PTPRS: variants seen among roughly 807,000 people sequenced by gnomAD.
The protein encoded by PTPRS is receptor-type tyrosine-protein phosphatase S.
PTPRS carries 63 observed loss-of-function variants against 215.3 expected under a neutral mutation model. The ratio of observed to expected loss-of-function variants is 0.29; its 90% CI spans 0.24 to 0.36. The LOEUF (loss-of-function observed/expected upper bound fraction) is 0.36, where lower values mean the gene tolerates loss of function less well. Among genes scored for constraint, PTPRS ranks in the 10% least tolerant of loss-of-function variants. The pLI, the probability that PTPRS is intolerant of heterozygous loss-of-function variation, is 1.00. For synonymous variants in PTPRS, 1,404 were observed against 1,191.4 expected (o/e 1.18, Z -3.68); for missense variants, 2,258 against 2,825.8 (o/e 0.80, Z 4.56).
intron 1 of PTPRS, among the ~76,000 whole-genome samples, chr19:5,340,347 C>T (rs1424335032): frequency 1.3e-5 from 2 of 151,282 alleles, no homozygotes; most frequent in Non-Finnish European, 3.0e-5. Context: ...TGGGCAGCTT[C>T]CAATGCCGCG....
chr19:5,310,307 T>C (rs1291492792), intron 1 of PTPRS, among the ~76,000 whole-genome samples: 1 of 149,396 alleles, frequency 6.7e-6, no homozygotes, highest in African/African-American at 2.5e-5. Context: ...TTCCTCTAGC[T>C]TTTTTCTTTT....
chr19:5,257,701 G>T lies in PTPRS; in HGVS notation c.706+316C>A, dbSNP rs1024598115. ...GAGGCCTGCAGGCTCCCCTGGCCCTGTAGGCCCAAGACTGACCCCCTCACC... is the reference window on the plus strand; with the variant it reads ...GAGGCCTGCAGGCTCCCCTGGCCCTTTAGGCCCAAGACTGACCCCCTCACC... On this transcript the variant is annotated intron_variant, in intron 8 of 37. Transcript: ENST00000262963. This position sits in a 1 kb window ranked among gnomAD's most constrained non-coding sequence, Gnocchi z 4.4. Among the ~76,000 whole-genome samples the T allele has an allele frequency of 1.3e-5, 2 of 152,176 alleles. No individual in the cohort carries two copies. The highest frequency in any genetic ancestry group is 4.8e-5 in the African/African-American group (2 of 41,454).
At chr19:5,276,817 C>T (rs187040475) in intron 2 of PTPRS, among the ~76,000 whole-genome samples, 144 of 152,312 alleles carry the variant, frequency 9.5e-4, no homozygotes, top group Non-Finnish European at 1.6e-3. Context: ...GCTGGGATTA[C>T]AGGCGTGAGC....
At chr19:5,320,784 C>A (rs2050005443) in intron 1 of PTPRS, among the ~76,000 whole-genome samples, 1 of 152,078 alleles carries the variant, frequency 6.6e-6, no homozygotes, top group South Asian at 2.1e-4. Context: ...GATTTGAGGG[C>A]TTCACCCTAT....
chr19:5,265,590 C>T (rs2046343083), intron 4 of PTPRS, among the ~76,000 whole-genome samples: 2 of 151,826 alleles, frequency 1.3e-5, no homozygotes, highest in Admixed American at 1.3e-4. Flanking sequence ...AATCCTCCCA[C>T]TTCTGCCTCC....
chr19:5,325,647 C>T (rs1319206005), intron 1 of PTPRS, among the ~76,000 whole-genome samples: 2 of 152,252 alleles, frequency 1.3e-5, no homozygotes, highest in Non-Finnish European at 1.5e-5. Flanking sequence ...GACAGGCCCC[C>T]ACCGGCAATC....
At chr19:5,254,502 G>C (rs544996943) in intron 9 of PTPRS, among the ~76,000 whole-genome samples, 1 of 152,240 alleles carries the variant, frequency 6.6e-6, no homozygotes, top group African/African-American at 2.4e-5. Flanking sequence ...ATGGGGGTGT[G>C]CATCTCTGAA....
chr19:5,226,459 A>G (rs1599502763), intron 16 of PTPRS, among the ~76,000 whole-genome samples: 1 of 152,072 alleles, frequency 6.6e-6, no homozygotes, highest in African/African-American at 2.4e-5. Flanking sequence ...GGCTGGGCGC[A>G]GTGGCTGACG....
Position 5,241,971 on chromosome 19 carries a change from G to T in PTPRS, c.1571-1639C>A, listed in dbSNP as rs929932362. ...CTGCCTCAGCCTCTTGAGTAGCTGG[G>T]ATTACAGACACACGCTATCATGCCC... On this transcript the variant is annotated intron_variant, in intron 11 of 37. Coordinates refer to ENST00000262963, the MANE Select transcript of PTPRS (RefSeq NM_002850.4). Among the ~76,000 whole-genome samples the T allele has an allele frequency of 2.0e-4, 30 of 152,212 alleles. 1 individual carries two copies. Among genetic ancestry groups the T allele is most frequent in the Admixed American group, 1.4e-3 (22 of 15,282 alleles).
At chr19:5,223,826 T>C (rs1262714548) in intron 17 of PTPRS, among the ~76,000 whole-genome samples, 2 of 151,576 alleles carry the variant, frequency 1.3e-5, no homozygotes, top group East Asian at 4.0e-4. Flanking sequence ...CCTCCCAAAG[T>C]GCTGGGATTA....
intron 1 of PTPRS, among the ~76,000 whole-genome samples, chr19:5,309,033 A>C (rs2049600701): frequency 6.6e-6 from 1 of 152,152 alleles, no homozygotes; most frequent in South Asian, 2.1e-4. Flanking sequence ...CCTGCCTGGC[A>C]CTAGGCCCTG....
rs1390057330 is a variant in PTPRS at position 5,245,970 on chromosome 19, G to A, written c.794C>T (p.Thr265Ile). Residue 265 changes from threonine (T) to isoleucine (I), a missense_variant, in exon 10 of 38, where the codon ACC (threonine) becomes ATC (isoleucine). Transcript: ENST00000262963. The part of the protein sequence containing the change: ...EIMPGGNVNI[T>I]CVAVGSPMPY... Reference sequence around the variant, plus strand: ...CATGGGCGAGCCCACGGCCACGCAGGTGATGTTCACGTTGCCCCCTGGCAT... The same window carrying A: ...CATGGGCGAGCCCACGGCCACGCAGATGATGTTCACGTTGCCCCCTGGCAT... 3 of 1,606,824 alleles carry A rather than the reference G, an allele frequency of 1.9e-6. No individual in the cohort carries two copies. Among genetic ancestry groups the A allele is most frequent in the Non-Finnish European group, 8.5e-7 (1 of 1,176,320 alleles).
chr19:5,218,404 AG>A lies in PTPRS; in HGVS notation c.4048+15del. 6.2e-7 allele frequency: 1 copy of A among 1,605,100 alleles called. No homozygotes were observed. Among genetic ancestry groups the A allele is most frequent in the South Asian group, 1.1e-5 (1 of 90,470 alleles). ...CCCTGTTGGTGGCATCCCTGGTACC[AG>A]GGATAAGTACATACCTGGAGTCTGG... On this transcript the variant is annotated intron_variant, in intron 25 of 37. Transcript: ENST00000262963.
Position 5,246,044 on chromosome 19 carries a change from G to C in PTPRS, c.720C>G (p.Val240=). 1 of 1,480,292 alleles carries C rather than the reference G, an allele frequency of 6.8e-7. No individual in the cohort carries two copies. Among genetic ancestry groups the C allele is most frequent in the Non-Finnish European group, 9.0e-7 (1 of 1,109,334 alleles). 91.7% of individuals were successfully genotyped at this position (1,480,292 alleles called of 1,614,324 possible). A position where few individuals can be genotyped will look rare whatever the true frequency, so the allele number is the denominator to read the frequency against. The change falls in exon 10 of 38, where the codon GTC becomes GTG. Residue 240 remains valine, a splice_region_variant and synonymous_variant. Coordinates refer to ENST00000262963, the MANE Select transcript of PTPRS (RefSeq NM_002850.4). ...TGGAGAAGCGCGGGGCCACGCGGCGGACTGGGGAGGGGGCGGCAGTGGCGG... is the reference window on the plus strand; with the variant it reads ...TGGAGAAGCGCGGGGCCACGCGGCGCACTGGGGAGGGGGCGGCAGTGGCGG... ...ANLYVRELRE[V]RRVAPRFSIL... is the part of the protein sequence containing the mutation.
intron 2 of PTPRS, among the ~76,000 whole-genome samples, chr19:5,275,303 C>T (rs181504790): frequency 6.0e-4 from 92 of 152,118 alleles, no homozygotes; most frequent in Admixed American, 4.4e-3. Flanking sequence ...GTCTCCTGAC[C>T]TCATGATCTG....
intron 2 of PTPRS, among the ~76,000 whole-genome samples, chr19:5,283,981 G>A (rs1172350683): frequency 6.6e-6 from 1 of 152,052 alleles, no homozygotes; most frequent in Non-Finnish European, 1.5e-5. Flanking sequence ...TTGGGAGGCT[G>A]AGGTGGGAGG....
intron 13 of PTPRS, among the ~76,000 whole-genome samples, chr19:5,238,106 G>C (rs747860903): frequency 3.3e-5 from 5 of 152,184 alleles, no homozygotes; most frequent in African/African-American, 1.2e-4. Context: ...AGACCACGCC[G>C]GTGGAGGCCA....
intron 1 of PTPRS, among the ~76,000 whole-genome samples, chr19:5,330,643 C>T (rs2050293738): frequency 6.6e-6 from 1 of 152,182 alleles, no homozygotes; most frequent in African/African-American, 2.4e-5. Context: ...AGGCAAGACT[C>T]GTCCCCATTT....
chr19:5,312,496 C>T (rs1289666583), intron 1 of PTPRS, among the ~76,000 whole-genome samples: 2 of 151,716 alleles, frequency 1.3e-5, no homozygotes, highest in Non-Finnish European at 2.9e-5. Context: ...CTTACCTCTA[C>T]AAAAAAATAC....
Sources: gnomAD v4.1 joint callset for allele counts (sites outside exome capture counted in the v4.1 genomes callset) on GRCh38, gnomAD v4.1.1 for gene constraint, Gnocchi (gnomAD v3.1) non-coding constraint, MANE v1.5 for transcripts, NCBI Gene and HGNC (gene_info 2026-07-23, HGNC 2026-07-21) for gene names.